The following CHDH variants were observed in gnomAD, a reference collection of about 807,000 sequenced individuals.
CHDH encodes the protein choline dehydrogenase, also known as choline dehydrogenase, mitochondrial.
CHDH carries 43 observed loss-of-function variants against 56.9 expected under a neutral mutation model. That is an observed-to-expected ratio of 0.76 (90% confidence interval 0.59 to 0.97). CHDH has a LOEUF of 0.97. CHDH is among the 50% of genes least tolerant of loss of function. The probability of loss-of-function intolerance (pLI) is 0.00; values close to 1 mark genes in which losing one functional copy is unlikely to be tolerated. For missense variants in CHDH, 816 were observed against 821.1 expected (o/e 0.99, Z 0.08); for synonymous variants, 364 against 348.5 (o/e 1.04, Z -0.50).
intron 2 of CHDH, among the ~76,000 whole-genome samples, chr3:53,829,672 A>T (rs1254598322): frequency 6.6e-6 from 1 of 152,194 alleles, no homozygotes; most frequent in Non-Finnish European, 1.5e-5. Flanking sequence ...GCAAGTGAAT[A>T]AAAAAGCTCT....
chr3:53,822,056 GT>G (rs2095627611), intron 4 of CHDH, among the ~76,000 whole-genome samples: 1 of 130,340 alleles, frequency 7.7e-6, no homozygotes. Flanking sequence ...CAAGTGGGTG[GT>G]TTAGAGAGAG....
In CHDH at chr3:53,831,653, G is replaced by A. The variant is rs536924964; in HGVS notation, c.-59-7586C>T. On this transcript the variant is annotated intron_variant, in intron 2 of 8. Coordinates refer to ENST00000315251, the MANE Select transcript of CHDH (RefSeq NM_018397.5). The stretch of plus-strand genomic sequence containing the variant: ...TTTGCAAACCATATATCTGATAAGA[G>A]GTTAATATCTAGAATGTGTTTAAAA... Among the ~76,000 whole-genome samples, 6 of 152,292 alleles carry A rather than the reference G, an allele frequency of 3.9e-5. No homozygotes were observed. In the East Asian group the frequency reaches 1.2e-3, roughly 29 times the overall value.
intron 2 of CHDH, among the ~76,000 whole-genome samples, chr3:53,831,669 G>A (rs1263978308): frequency 1.3e-5 from 2 of 152,220 alleles, no homozygotes; most frequent in Non-Finnish European, 2.9e-5. Flanking sequence ...TATCTAGAAT[G>A]TGTTTAAAAC....
In CHDH at chr3:53,816,754, C is replaced by CTAAG. The variant is rs1362339134; in HGVS notation, c.*1019_*1022dup. On this transcript the variant is annotated 3_prime_UTR_variant, in exon 9 of 9. Transcript: ENST00000315251. The stretch of plus-strand genomic sequence containing the variant: ...GGTAAAAGGAAAACCTTTTAAAATG[C>CTAAG]TAAGTCATAAAACCTTTGGTAGTGA... 2 of 151,638 alleles carry CTAAG rather than the reference C, an allele frequency of 1.3e-5. No individual in the cohort carries two copies. The highest frequency in any genetic ancestry group is 2.4e-5 in the African/African-American group (1 of 41,256). The allele number at this position is 151,638 out of a possible 1,614,324, so 9.4% of individuals were successfully genotyped here. A position where few individuals can be genotyped will look rare whatever the true frequency, so the allele number is the denominator to read the frequency against.
At chr3:53,844,387 C>T (rs1421013387) in intron 1 of CHDH, among the ~76,000 whole-genome samples, 2 of 152,182 alleles carry the variant, frequency 1.3e-5, no homozygotes, top group Non-Finnish European at 2.9e-5. Context: ...CTGCCACCAA[C>T]CAGCCTCAGT....
chr3:53,831,100 G>A (rs981737125), intron 2 of CHDH, among the ~76,000 whole-genome samples: 2 of 152,202 alleles, frequency 1.3e-5, no homozygotes, highest in South Asian at 4.1e-4. Flanking sequence ...AGAGCCCTTG[G>A]GCCTTAAGTG....
chr3:53,812,881 C>G lies in CHDH; in HGVS notation c.*4896G>C, dbSNP rs530947050. On this transcript the variant is annotated 3_prime_UTR_variant, in exon 9 of 9. Coordinates refer to ENST00000315251, the MANE Select transcript of CHDH (RefSeq NM_018397.5). ...TTACAAAACTGCTGTACTGTATGTT[C>G]TCTTTGAGGGCTTTTATATGCAATT... 1.3e-5 allele frequency: 2 copies of G among 151,232 alleles called. No individual in the cohort carries two copies. The highest frequency in any genetic ancestry group is 3.9e-4 in the East Asian group (2 of 5,068). 9.4% of individuals were successfully genotyped at this position (151,232 alleles called of 1,614,324 possible).
chr3:53,833,416 C>T (rs1272366537), intron 2 of CHDH, among the ~76,000 whole-genome samples: 1 of 152,216 alleles, frequency 6.6e-6, no homozygotes, highest in African/African-American at 2.4e-5. Flanking sequence ...AAGCTGCTAG[C>T]GTAGTGCCCT....
intron 2 of CHDH, among the ~76,000 whole-genome samples, chr3:53,838,154 T>C (rs1278008977): frequency 6.9e-6 from 1 of 144,284 alleles, no homozygotes; most frequent in East Asian, 2.2e-4. Context: ...CCGCTCAACC[T>C]CCACGGATGG....
At chr3:53,831,462 G>A (rs1698331929) in intron 2 of CHDH, among the ~76,000 whole-genome samples, 1 of 152,254 alleles carries the variant, frequency 6.6e-6, no homozygotes, top group African/African-American at 2.4e-5. Flanking sequence ...GCAAGACCCA[G>A]TCCTGTGCTG....
intron 1 of CHDH, among the ~76,000 whole-genome samples, chr3:53,842,987 G>A (rs1178755469): frequency 6.6e-6 from 1 of 152,116 alleles, no homozygotes; most frequent in Non-Finnish European, 1.5e-5. Context: ...GACCAGCCAG[G>A]GCCTTGATTA....
intron 5 of CHDH, among the ~76,000 whole-genome samples, chr3:53,821,122 A>T (rs1421703921): frequency 6.6e-6 from 1 of 152,280 alleles, no homozygotes; most frequent in Non-Finnish European, 1.5e-5. Flanking sequence ...TGAAGCCTAA[A>T]GGCACAAAGG....
Position 53,817,821 on chromosome 3 carries a change from C to T in CHDH, c.1741G>A (p.Asp581Asn), listed in dbSNP as rs752228175. ...GTCCTGGGCTTGTAGACAGGGACATCTTTGTCCCAGAGTGCAGGCTGCCCC... is the reference window on the plus strand; with the variant it reads ...GTCCTGGGCTTGTAGACAGGGACATTTTTGTCCCAGAGTGCAGGCTGCCCC... ...IKGQPALWDK[D>N]VPVYKPRTLA... is the part of the protein sequence containing the mutation. The change falls in exon 9 of 9, where the codon GAT (aspartate) becomes AAT (asparagine). Residue 581 changes from aspartate to asparagine, a missense_variant. Physicochemically the swap from Asp to Asn is conservative, Grantham distance 23. Transcript: ENST00000315251. 6.2e-7 allele frequency: 1 copy of T among 1,613,550 alleles called. No homozygotes were observed. The highest frequency in any genetic ancestry group is 1.7e-5 in the Admixed American group (1 of 60,004).
chr3:53,813,859 A>G lies in CHDH; in HGVS notation c.*3918T>C, dbSNP rs760328766. On this transcript the variant is annotated 3_prime_UTR_variant, in exon 9 of 9. Coordinates refer to ENST00000315251, the MANE Select transcript of CHDH (RefSeq NM_018397.5). ...ACATTTTTGTGTCCACAGGAATAAC[A>G]CATTTAGTTTCTTTAGTCTTATGTT... 1.3e-5 allele frequency: 2 copies of G among 152,212 alleles called. No individual in the cohort carries two copies. The highest frequency in any genetic ancestry group is 2.9e-5 in the Non-Finnish European group (2 of 68,040). 9.4% of individuals were successfully genotyped at this position (152,212 alleles called of 1,614,324 possible).
rs2095608943 is a variant in CHDH, at chr3:53,813,310, CTG to C, written c.*4465_*4466del. 2 of 152,112 alleles carry C rather than the reference CTG, an allele frequency of 1.3e-5. No homozygotes were observed. Among genetic ancestry groups the C allele is most frequent in the African/African-American group, 2.4e-5 (1 of 41,422 alleles). 9.4% of individuals were successfully genotyped at this position (152,112 alleles called of 1,614,324 possible). A position where few individuals can be genotyped will look rare whatever the true frequency, so the allele number is the denominator to read the frequency against. ...ATGCAAAATGTTCTTCAGAATAAAA[CTG>C]TGTAATAATTTTTATACTTGGGAGT... On this transcript the variant is annotated 3_prime_UTR_variant, in exon 9 of 9. Transcript: ENST00000315251.
chr3:53,820,071 A>G (rs1223465210), intron 6 of CHDH, among the ~76,000 whole-genome samples: 2 of 152,194 alleles, frequency 1.3e-5, no homozygotes, highest in Non-Finnish European at 2.9e-5. Context: ...TAGAAATCAA[A>G]TGGAAAAGGT....
chr3:53,845,239 G>C (rs946928154), intron 1 of CHDH, among the ~76,000 whole-genome samples: 1 of 152,164 alleles, frequency 6.6e-6, no homozygotes, highest in African/African-American at 2.4e-5. Context: ...GCATGCCAGA[G>C]CCCAAACCCC....
At position 53,816,621 on chromosome 3, in the gene CHDH, C is replaced by G. The variant is rs1356808628; in HGVS notation, c.*1156G>C. On this transcript the variant is annotated 3_prime_UTR_variant, in exon 9 of 9. Coordinates refer to ENST00000315251, the MANE Select transcript of CHDH (RefSeq NM_018397.5). The stretch of plus-strand genomic sequence containing the variant: ...CCACTGCTGGGATGGCTCAGGCTGC[C>G]AAGTCATTTCCCAAGACCAGTATGA... The G allele has an allele frequency of 1.3e-5, 2 of 152,114 alleles. No homozygotes were observed. The highest frequency in any genetic ancestry group is 2.9e-5 in the Non-Finnish European group (2 of 68,028). The allele number at this position is 152,114 out of a possible 1,614,324, so 9.4% of individuals were successfully genotyped here.
At chr3:53,821,972 C>T (rs1193702321) in intron 4 of CHDH, among the ~76,000 whole-genome samples, 196 bp from the exon 5 acceptor site, 3 of 152,128 alleles carry the variant, frequency 2.0e-5, no homozygotes, top group Non-Finnish European at 4.4e-5. Context: ...GCAGGTGCAA[C>T]TACAGCTGGA....
Sources: gnomAD v4.1 joint callset for allele counts (sites outside exome capture counted in the v4.1 genomes callset) on GRCh38, gnomAD v4.1.1 for gene constraint, MANE v1.5 for transcripts, NCBI Gene and HGNC (gene_info 2026-07-23, HGNC 2026-07-21) for gene names.